The following NLGN4Y variants were observed in gnomAD, a reference collection of about 807,000 sequenced individuals.
The protein encoded by NLGN4Y is neuroligin-4, Y-linked.
In NLGN4Y, 4 loss-of-function variants were observed where a neutral mutation model predicts 8.4. The observed-to-expected ratio is 0.48, with a 90% confidence interval of 0.23 to 1.09. NLGN4Y has a LOEUF of 1.09. Among genes scored for constraint, NLGN4Y ranks in the 50% least tolerant of loss-of-function variants. The pLI is 0.19. For missense variants in NLGN4Y, 90 were observed against 192.3 expected, an observed-to-expected ratio of 0.47 and a Z score of 3.15; for synonymous variants, 35 against 75.6, an observed-to-expected ratio of 0.46 and a Z score of 2.78.
rs2080834818 is a variant in NLGN4Y at position 14,697,594 on chromosome Y, G to GAT, written c.473-21864_473-21863insTA. The stretch of plus-strand genomic sequence containing the variant: ...ATAGATGATGGGTATATAGATGAGA[G>GAT]AGATAGATAGATAGATAGATAGATA... On this transcript the variant is annotated intron_variant, in intron 2 of 6. Transcript: ENST00000684976. Among the ~76,000 whole-genome samples, 20 of 21,153 alleles carry GAT rather than the reference G, an allele frequency of 9.5e-4. No individual in the cohort carries two copies. In the East Asian group the frequency reaches 0.032, roughly 34 times the overall value. 56.8% of individuals were successfully genotyped at this position (21,153 alleles called of 37,273 possible). A position where few individuals can be genotyped will look rare whatever the true frequency, so the allele number is the denominator to read the frequency against.
At chrY:14,702,917 G>A in intron 2 of NLGN4Y, among the ~76,000 whole-genome samples, 12 of 33,758 alleles carry the variant, frequency 3.6e-4, no homozygotes, top group Non-Finnish European at 7.4e-4. Flanking sequence ...GGCTATTGAT[G>A]ATGAGCATTT....
chrY:14,564,915 A>T (rs923888562), intron 1 of NLGN4Y, among the ~76,000 whole-genome samples: 2 of 33,081 alleles, frequency 6.0e-5, no homozygotes, highest in Non-Finnish European at 7.4e-5. Context: ...GTGGACCTCC[A>T]GCAAACTCTA....
At chrY:14,574,115 A>C (rs2080287026) in intron 1 of NLGN4Y, among the ~76,000 whole-genome samples, 1 of 33,261 alleles carries the variant, frequency 3.0e-5, no homozygotes. Flanking sequence ...TATTAGGTCC[A>C]CTTGGTACAG....
chrY:14,792,880 G>C (rs2042992416), intron 4 of NLGN4Y, among the ~76,000 whole-genome samples: 1 of 23,950 alleles, frequency 4.2e-5, no homozygotes, highest in Non-Finnish European at 9.4e-5. Context: ...GTGTGTGTGT[G>C]TGTGTGTGTG....
At chrY:14,825,426 C>T in intron 5 of NLGN4Y, among the ~76,000 whole-genome samples, 1 of 30,255 alleles carries the variant, frequency 3.3e-5, no homozygotes, top group Admixed American at 3.1e-4. Flanking sequence ...GTCTCTCTTC[C>T]TCTCTCTCCC....
intron 2 of NLGN4Y, among the ~76,000 whole-genome samples, chrY:14,660,670 C>T: frequency 6.4e-5 from 2 of 31,423 alleles, no homozygotes; most frequent in African/African-American, 2.5e-4. Context: ...GCAGGAGACA[C>T]CATTTTTATT....
At chrY:14,835,900 T>C in intron 6 of NLGN4Y, among the ~76,000 whole-genome samples, 1 of 32,160 alleles carries the variant, frequency 3.1e-5, no homozygotes, top group African/African-American at 1.2e-4. Flanking sequence ...CACCTGTATA[T>C]TTTCATGTTA....
intron 4 of NLGN4Y, among the ~76,000 whole-genome samples, chrY:14,783,764 A>G (rs768179434): frequency 5.9e-5 from 2 of 33,879 alleles, no homozygotes; most frequent in Non-Finnish European, 1.5e-4. Context: ...ACATGTGTGC[A>G]TAATATACAT....
chrY:14,767,953 A>G, intron 4 of NLGN4Y, among the ~76,000 whole-genome samples: 1 of 33,608 alleles, frequency 3.0e-5, no homozygotes, highest in Non-Finnish European at 7.4e-5. Flanking sequence ...ACTGAAAAAG[A>G]TAAAAGAACA....
chrY:14,551,174 G>T, intron 1 of NLGN4Y, among the ~76,000 whole-genome samples: 2 of 33,522 alleles, frequency 6.0e-5, no homozygotes. Flanking sequence ...AACCAACAAA[G>T]ATCAAAGAAG....
chrY:14,588,411 C>T (rs2080348158), intron 1 of NLGN4Y, among the ~76,000 whole-genome samples: 1 of 32,820 alleles, frequency 3.0e-5, no homozygotes, highest in Non-Finnish European at 7.4e-5. Context: ...ATCTTGTGAC[C>T]TCATAGTTCA....
intron 4 of NLGN4Y, among the ~76,000 whole-genome samples, chrY:14,806,964 AG>A: frequency 3.0e-5 from 1 of 33,453 alleles, no homozygotes; most frequent in South Asian, 6.7e-4. Flanking sequence ...AAGGCATCCC[AG>A]GTAGTGGCTG....
chrY:14,766,870 A>C (rs761588614), intron 4 of NLGN4Y, among the ~76,000 whole-genome samples: 268 of 33,336 alleles, frequency 8.0e-3, no homozygotes, highest in African/African-American at 0.029. Flanking sequence ...AAGTTCTTTG[A>C]AATATTGCTT....
intron 2 of NLGN4Y, among the ~76,000 whole-genome samples, chrY:14,664,766 G>A (rs1603502292): frequency 1.2e-4 from 4 of 33,506 alleles, no homozygotes; most frequent in South Asian, 6.7e-4. Flanking sequence ...ATGAACACTC[G>A]CTCTATAACA....
At chrY:14,770,597 A>T in intron 4 of NLGN4Y, among the ~76,000 whole-genome samples, 1 of 33,980 alleles carries the variant, frequency 2.9e-5, no homozygotes, top group Non-Finnish European at 7.3e-5. Context: ...AATTTGAGGA[A>T]AAACCAGCGC....
intron 5 of NLGN4Y, among the ~76,000 whole-genome samples, chrY:14,826,541 A>G (rs2043147529): frequency 3.1e-5 from 1 of 31,831 alleles, no homozygotes; most frequent in South Asian, 7.3e-4. Flanking sequence ...GTTTTTTACC[A>G]TATTGGCCAA....
chrY:14,767,599 C>A, intron 4 of NLGN4Y, among the ~76,000 whole-genome samples: 7 of 32,897 alleles, frequency 2.1e-4, no homozygotes, highest in African/African-American at 8.3e-4. Context: ...GGTTCCTTAC[C>A]CCTACCTAAG....
At chrY:14,667,664 T>C in intron 2 of NLGN4Y, among the ~76,000 whole-genome samples, 1 of 33,460 alleles carries the variant, frequency 3.0e-5, no homozygotes, top group African/African-American at 1.2e-4. Context: ...CACACACACA[T>C]CAAATAAACA....
At chrY:14,545,378 C>T in intron 1 of NLGN4Y, among the ~76,000 whole-genome samples, 1 of 33,287 alleles carries the variant, frequency 3.0e-5, no homozygotes, top group Non-Finnish European at 7.4e-5. Context: ...AATGGTTGAA[C>T]TAGTTTACAG....
Sources: allele counts gnomAD v4.1 joint callset (sites outside exome capture counted in the v4.1 genomes callset), GRCh38; gene constraint gnomAD v4.1.1; transcripts MANE v1.5; gene names NCBI Gene and HGNC (gene_info 2026-07-23, HGNC 2026-07-21).